The following DPP10 variants were observed in gnomAD, a reference collection of about 807,000 sequenced individuals.
DPP10 encodes the protein inactive dipeptidyl peptidase 10.
DPP10 carries 33 observed loss-of-function variants against 120.9 expected under a neutral mutation model. The observed-to-expected ratio is 0.27, with a 90% CI of 0.21 to 0.37. The LOEUF is 0.37. Ranked by LOEUF, DPP10 falls within the 10% of genes least tolerant of loss-of-function variation. The pLI is 1.00. For missense variants in DPP10, 816 were observed against 942.8 expected (o/e 0.87, Z 1.76); for synonymous variants, 337 against 326.1 (o/e 1.03, Z -0.36).
chr2:114,868,005 C>T (rs1397478663), intron 1 of DPP10, among the ~76,000 whole-genome samples: 1 of 152,152 alleles, frequency 6.6e-6, no homozygotes, highest in Non-Finnish European at 1.5e-5. Flanking sequence ...AATTAATTTG[C>T]AATGAGGTAG....
At position 115,537,466 on chromosome 2, in the gene DPP10, A is replaced by G. The variant is rs560837869; in HGVS notation, c.441+11494A>G. 1.2e-4 allele frequency among the ~76,000 whole-genome samples: 18 copies of G among 151,946 alleles called. No individual in the cohort carries two copies. The East Asian group carries it at 3.5e-3, about 29-fold the overall frequency. ...GAGTTAAGCAGTTTTCTCTATTATA[A>G]GGCTTTAGAGAGATTTTAATAAGTT... On this transcript the variant is annotated intron_variant, in intron 5 of 25. Coordinates refer to ENST00000410059, the MANE Select transcript of DPP10 (RefSeq NM_020868.6).
intron 4 of DPP10, among the ~76,000 whole-genome samples, chr2:115,510,155 C>A (rs1463550490): frequency 1.3e-5 from 2 of 152,098 alleles, no homozygotes; most frequent in Non-Finnish European, 2.9e-5. Context: ...TTGTCTTTCA[C>A]TTTCTGATTG....
intron 1 of DPP10, among the ~76,000 whole-genome samples, chr2:114,530,450 G>A (rs1041844415): frequency 6.6e-6 from 1 of 152,156 alleles, no homozygotes; most frequent in Non-Finnish European, 1.5e-5. Context: ...CGAAATATCT[G>A]TTGGGAGTTA....
At chr2:115,000,690 A>G (rs1701382536) in intron 1 of DPP10, among the ~76,000 whole-genome samples, 1 of 152,176 alleles carries the variant, frequency 6.6e-6, no homozygotes, top group Non-Finnish European at 1.5e-5. Context: ...GTTCTTAAAC[A>G]TACAATAGCG....
chr2:115,252,729 T>C (rs1257315356), intron 1 of DPP10, among the ~76,000 whole-genome samples: 1 of 152,194 alleles, frequency 6.6e-6, no homozygotes, highest in East Asian at 1.9e-4. Flanking sequence ...CTTTATGTAC[T>C]TGAATAAAAT....
intron 7 of DPP10, among the ~76,000 whole-genome samples, chr2:115,718,187 TAAA>T (rs5833621): frequency 0.02 from 2,986 of 149,950 alleles, 88 homozygotes; most frequent in African/African-American, 0.068. Context: ...TTCCAGTAAT[TAAA>T]AAAAAAAAAA....
At chr2:115,361,319 C>T (rs901763941) in intron 3 of DPP10, among the ~76,000 whole-genome samples, 2 of 152,022 alleles carry the variant, frequency 1.3e-5, no homozygotes, top group Non-Finnish European at 2.9e-5. Context: ...GTCCTTCTGC[C>T]CATCTGGGTC....
intron 1 of DPP10, among the ~76,000 whole-genome samples, chr2:115,136,823 G>C (rs2050675952): frequency 1.3e-5 from 2 of 152,178 alleles, no homozygotes; most frequent in South Asian, 2.1e-4. Context: ...AAAATCCCTA[G>C]TGTAAGGAGG....
chr2:115,563,521 T>C (rs1275166334), intron 5 of DPP10, among the ~76,000 whole-genome samples: 2 of 152,050 alleles, frequency 1.3e-5, no homozygotes, highest in African/African-American at 4.8e-5. Context: ...ATGTGGAAAA[T>C]ATAGTGGCTT....
At chr2:115,351,217 G>T (rs565115421) in intron 3 of DPP10, among the ~76,000 whole-genome samples, 1 of 152,204 alleles carries the variant, frequency 6.6e-6, no homozygotes, top group Non-Finnish European at 1.5e-5. Flanking sequence ...CATGTATTTT[G>T]CAGCAACATG....
intron 1 of DPP10, among the ~76,000 whole-genome samples, chr2:115,140,514 T>TAC (rs2104837880): frequency 6.6e-6 from 1 of 152,280 alleles, no homozygotes; most frequent in African/African-American, 2.4e-5. Flanking sequence ...CATTTTTGAG[T>TAC]AGAGTGATGT....
At chr2:115,713,498 T>G (rs1375543303) in intron 7 of DPP10, among the ~76,000 whole-genome samples, 2 of 152,194 alleles carry the variant, frequency 1.3e-5, no homozygotes, top group African/African-American at 4.8e-5. Flanking sequence ...ATACATGACA[T>G]GAAAGATTTA....
At chr2:114,780,152 A>C (rs935681306) in intron 1 of DPP10, among the ~76,000 whole-genome samples, 1 of 152,076 alleles carries the variant, frequency 6.6e-6, no homozygotes, top group African/African-American at 2.4e-5. Flanking sequence ...GAAAGGAGGG[A>C]AAGGAGGGAA....
chr2:115,097,963 A>G (rs996831887), intron 1 of DPP10, among the ~76,000 whole-genome samples: 1 of 152,184 alleles, frequency 6.6e-6, no homozygotes, highest in Non-Finnish European at 1.5e-5. Flanking sequence ...TAACACCTGT[A>G]GTGGGGTGAA....
intron 3 of DPP10, among the ~76,000 whole-genome samples, chr2:115,371,308 A>G (rs1019436358): frequency 2.6e-5 from 4 of 152,176 alleles, no homozygotes; most frequent in African/African-American, 4.8e-5. Flanking sequence ...TAAGTATAAT[A>G]CAACTGGATG....
intron 5 of DPP10, among the ~76,000 whole-genome samples, chr2:115,542,200 C>G (rs1201695890): frequency 1.3e-5 from 2 of 151,860 alleles, no homozygotes; most frequent in East Asian, 3.9e-4. Context: ...GCTCTGTCAC[C>G]ACAACGAAAA....
chr2:114,649,074 A>T (rs761241532), intron 1 of DPP10, among the ~76,000 whole-genome samples: 2 of 152,206 alleles, frequency 1.3e-5, no homozygotes, highest in Admixed American at 6.5e-5. Context: ...ACAAAGTTTA[A>T]AATGGTGACA....
At chr2:114,820,774 C>A (rs1175999363) in intron 1 of DPP10, among the ~76,000 whole-genome samples, 1 of 152,132 alleles carries the variant, frequency 6.6e-6, no homozygotes, top group Non-Finnish European at 1.5e-5. Context: ...TTCCCTTCGA[C>A]AAAACATGGG....
chr2:114,565,799 A>T (rs1689149805), intron 1 of DPP10, among the ~76,000 whole-genome samples: 1 of 152,206 alleles, frequency 6.6e-6, no homozygotes, highest in African/African-American at 2.4e-5. Context: ...CCTTGTATTT[A>T]AAGTGGATAT....
Sources: gnomAD v4.1 joint callset for allele counts (sites outside exome capture counted in the v4.1 genomes callset) on GRCh38, gnomAD v4.1.1 for gene constraint, MANE v1.5 for transcripts, NCBI Gene and HGNC (gene_info 2026-07-23, HGNC 2026-07-21) for gene names.